Variants in CRISP2 observed in about 807,000 individuals in gnomAD.
CRISP2 encodes cysteine rich secretory protein 2.
In CRISP2, 29 loss-of-function variants were observed where a neutral mutation model predicts 31.7. The ratio of observed to expected loss-of-function variants is 0.92; its 90% CI spans 0.68 to 1.25. CRISP2 has a LOEUF of 1.25. CRISP2 is among the 50% of genes most tolerant of loss of function. The pLI is 0.00. For synonymous variants in CRISP2, 111 were observed against 101.4 expected, an observed-to-expected ratio of 1.09 and a Z score of -0.57; for missense variants, 318 against 286.5, an observed-to-expected ratio of 1.11 and a Z score of -0.79.
chr6:49,702,167 A>AACAT (rs1766169742), intron 4 of CRISP2, among the ~76,000 whole-genome samples: 1 of 117,084 alleles, frequency 8.5e-6, no homozygotes, highest in African/African-American at 3.1e-5. Flanking sequence ...ATATATATAT[A>AACAT]TATATATATA....
the CRISP2 span, among the ~76,000 whole-genome samples, chr6:49,682,589 T>C: frequency 3.0e-4 from 23 of 76,438 alleles, 2 homozygotes; most frequent in South Asian, 2.1e-3. Context: ...TTCTTTCTTT[T>C]TCTTTCTTTC....
downstream of CRISP2, among the ~76,000 whole-genome samples, chr6:49,687,631 G>A (rs1763925319): frequency 6.6e-6 from 1 of 152,220 alleles, no homozygotes; most frequent in Admixed American, 6.5e-5. Flanking sequence ...AAAATTCATA[G>A]AGGAGGGGTC....
chr6:49,679,681 G>GTGT, the CRISP2 span, among the ~76,000 whole-genome samples: 11 of 81,246 alleles, frequency 1.4e-4, no homozygotes, highest in African/African-American at 7.4e-4. Flanking sequence ...TTCTGATTCA[G>GTGT]TGTTGTTGTT....
chr6:49,683,454 C>G, the CRISP2 span, among the ~76,000 whole-genome samples: 1 of 150,196 alleles, frequency 6.7e-6, no homozygotes, highest in Middle Eastern at 3.4e-3. Context: ...GCAGGCAGAT[C>G]ACGAGGTCAG....
the CRISP2 span, among the ~76,000 whole-genome samples, chr6:49,686,829 T>C: frequency 2.6e-5 from 4 of 152,186 alleles, no homozygotes; most frequent in Non-Finnish European, 5.9e-5. Context: ...ATAGACTGGA[T>C]TAAGAAAATG....
chr6:49,684,469 A>T, the CRISP2 span, among the ~76,000 whole-genome samples: 1 of 152,134 alleles, frequency 6.6e-6, no homozygotes. Context: ...TGGACGTAGA[A>T]CTCACAGATA....
At position 49,692,864 on chromosome 6, in the gene CRISP2, C is replaced by G. The variant is rs757394764; in HGVS notation, c.641G>C (p.Cys214Ser). 27 of 1,613,578 alleles carry G rather than the reference C, an allele frequency of 1.7e-5. No homozygotes were observed. In the East Asian group the frequency reaches 5.8e-4, roughly 35 times the overall value. Residue 214 changes from cysteine (C) to serine (S), a missense_variant, in exon 10 of 10, where the codon TGT becomes TCT. Transcript: ENST00000339139. ...GCCAGCTGTATTCTTCAAGGAATCA[C>G]AGTTACTTAGGAGATCTTGATACTG... ...SCQYQDLLSN[C>S]DSLKNTAGCE...
At chr6:49,691,621 T>C (rs1394028340), downstream of CRISP2, among the ~76,000 whole-genome samples, 2 of 152,078 alleles carry the variant, frequency 1.3e-5, no homozygotes, top group Non-Finnish European at 2.9e-5. Context: ...GAAATGTCTT[T>C]AGTTTTAGTA....
rs369048639 is a variant in CRISP2, at chr6:49,710,494, G to A, written c.-10+791C>T. 3.3e-4 allele frequency among the ~76,000 whole-genome samples: 51 copies of A among 152,240 alleles called. No homozygotes were observed. In the East Asian group the frequency reaches 6.0e-3, roughly 18 times the overall value. ...TAATTGGGAAAAGGCAGACATTGTT[G>A]CAGCACAATGGAGACCCTTTATTTT... On this transcript the variant is annotated intron_variant, in intron 3 of 9. Transcript: ENST00000339139.
chr6:49,712,181 A>G (rs1768130004), intron 2 of CRISP2, among the ~76,000 whole-genome samples: 1 of 152,204 alleles, frequency 6.6e-6, no homozygotes, highest in Non-Finnish European at 1.5e-5. Context: ...TTGTATCCTC[A>G]TCAGCTCATT....
intron 4 of CRISP2, among the ~76,000 whole-genome samples, chr6:49,704,581 TC>T (rs1275746480): frequency 1.3e-5 from 2 of 152,116 alleles, no homozygotes; most frequent in African/African-American, 4.8e-5. Context: ...AGATGGGGCT[TC>T]CTGAGAGCCA....
chr6:49,683,681 AAAAAAAAAAAAAAAT>A, the CRISP2 span, among the ~76,000 whole-genome samples: 4 of 52,258 alleles, frequency 7.7e-5, no homozygotes, highest in African/African-American at 1.2e-4. Flanking sequence ...AAAAAAAAAA[AAAAAAAAAAAAAAAT>A]ATATATATAT....
At chr6:49,711,876 A>G (rs1034468798) in intron 2 of CRISP2, among the ~76,000 whole-genome samples, 1 of 152,190 alleles carries the variant, frequency 6.6e-6, no homozygotes, top group African/African-American at 2.4e-5. Context: ...AATGTATGTA[A>G]CACCTCTAAT....
At position 49,706,667 on chromosome 6, in the gene CRISP2, A is replaced by G. The variant is rs146327957; in HGVS notation, c.66+2464T>C. On this transcript the variant is annotated intron_variant, in intron 4 of 9. Transcript: ENST00000339139. Reference sequence around the variant, plus strand: ...ATAGGAATGGGCAAGATTTTGAAGTATAAGTCTGAAAGGAACAGGGCTCCT... The same window carrying G: ...ATAGGAATGGGCAAGATTTTGAAGTGTAAGTCTGAAAGGAACAGGGCTCCT... Among the ~76,000 whole-genome samples the G allele has an allele frequency of 7.1e-3, 1,075 of 152,314 alleles. 8 individuals are homozygous for G. The highest frequency in any genetic ancestry group is 0.012 in the Non-Finnish European group (832 of 68,032).
At chr6:49,699,589 CAAG>C (rs1400436922) in intron 6 of CRISP2, among the ~76,000 whole-genome samples, 3 of 152,080 alleles carry the variant, frequency 2.0e-5, no homozygotes, top group Admixed American at 2.0e-4. Context: ...GAGCTGGTTG[CAAG>C]AAGCAAAATT....
chr6:49,697,700 C>T (rs2127396333), intron 8 of CRISP2, 160 bp downstream of exon 8: 1 of 1,518,698 alleles, frequency 6.6e-7, no homozygotes, highest in Middle Eastern at 1.7e-4. Flanking sequence ...TTGTTCTCCT[C>T]TGAGAAGTTG....
chr6:49,690,905 G>A (rs1439613382), downstream of CRISP2, among the ~76,000 whole-genome samples: 1 of 151,120 alleles, frequency 6.6e-6, no homozygotes, highest in Admixed American at 6.6e-5. Flanking sequence ...AAAGTGTTTT[G>A]AGTGTAACTC....
intron 1 of CRISP2, among the ~76,000 whole-genome samples, chr6:49,713,022 T>TA (rs894786904): frequency 9.9e-5 from 15 of 152,102 alleles, no homozygotes; most frequent in African/African-American, 3.4e-4. Context: ...ATTTTTTTTT[T>TA]AAATTCTGGA....
chr6:49,682,189 T>A, the CRISP2 span, among the ~76,000 whole-genome samples: 2 of 152,190 alleles, frequency 1.3e-5, no homozygotes, highest in African/African-American at 4.8e-5. Context: ...TTTCACAAAC[T>A]TTTTTAAATT....
Sources: allele counts gnomAD v4.1 joint callset (sites outside exome capture counted in the v4.1 genomes callset), GRCh38; gene constraint gnomAD v4.1.1; transcripts MANE v1.5; gene names NCBI Gene and HGNC (gene_info 2026-07-23, HGNC 2026-07-21).